The following ARHGEF17 variants were observed in gnomAD, a reference collection of about 807,000 sequenced individuals.
ARHGEF17 encodes the protein Rho guanine nucleotide exchange factor 17.
Under a neutral mutation model 174.0 loss-of-function variants are expected in ARHGEF17, and 80 were observed. The ratio of observed to expected loss-of-function variants is 0.46; its 90% CI spans 0.38 to 0.55. ARHGEF17 has a LOEUF of 0.55. Among genes scored for constraint, ARHGEF17 ranks in the 20% least tolerant of loss-of-function variants. The probability of loss-of-function intolerance (pLI) is 0.00; values close to 1 mark genes in which losing one functional copy is unlikely to be tolerated. For synonymous variants in ARHGEF17, 1,311 were observed against 1,189.1 expected (o/e 1.10, Z -2.11); for missense variants, 2,886 against 2,839.7 (o/e 1.02, Z -0.37).
At position 73,355,574 on chromosome 11, in the gene ARHGEF17, C is replaced by T. The variant is rs771650545; in HGVS notation, c.3495C>T (p.Ile1165=). ...TAGTAAACATCTATTCTGCCTATATCGATAACTTCCTCAATGCAAAGGATG... is the reference window on the plus strand; with the variant it reads ...TAGTAAACATCTATTCTGCCTATATTGATAACTTCCTCAATGCAAAGGATG... ...DVLVNIYSAY[I]DNFLNAKDAV... Residue 1165 remains isoleucine (I), a synonymous_variant, in exon 4 of 21, where the codon ATC becomes ATT. Coordinates refer to ENST00000263674, the MANE Select transcript of ARHGEF17 (RefSeq NM_014786.4). The T allele has an allele frequency of 1.7e-5, 28 of 1,614,070 alleles. No individual in the cohort carries two copies. The South Asian group carries it at 2.5e-4, about 15-fold the overall frequency.
At position 73,310,284 on chromosome 11, in the gene ARHGEF17, G is replaced by C; in HGVS notation, c.1646G>C (p.Cys549Ser). 1 of 1,613,962 alleles carries C rather than the reference G, an allele frequency of 6.2e-7. No homozygotes were observed. The highest frequency in any genetic ancestry group is 8.5e-7 in the Non-Finnish European group (1 of 1,180,030). The change falls in exon 1 of 21, where the codon TGC becomes TCC. Residue 549 changes from cysteine (C) to serine (S), a missense_variant. Coordinates refer to ENST00000263674, the MANE Select transcript of ARHGEF17 (RefSeq NM_014786.4). The stretch of plus-strand genomic sequence containing the variant: ...CTGCGGAGAGCAAAGTCATTCACCT[G>C]CTCTGAGAAGCCCATGGCCCGCCGC... ...ATLRRAKSFT[C>S]SEKPMARRLP...
chr11:73,356,179 T>TTC lies in ARHGEF17; in HGVS notation c.3668_3669insTC (p.Leu1224ProfsTer2), dbSNP rs1182774212. ...TGCTCCCCATTCCCACCCCAGGACC[T>TTC]CCTGAAGCATACACCTGAGGACCAC... On this transcript the variant is annotated frameshift_variant, in exon 6 of 21. Transcript: ENST00000263674. LOFTEE classifies it high-confidence loss of function. The TTC allele has an allele frequency of 6.2e-7, 1 of 1,613,714 alleles. No individual in the cohort carries two copies. Among genetic ancestry groups the TTC allele is most frequent in the Non-Finnish European group, 8.5e-7 (1 of 1,179,964 alleles).
chr11:73,356,340 G>A lies in ARHGEF17; in HGVS notation c.3829G>A (p.Gly1277Ser). The change falls in exon 6 of 21, where the codon GGC becomes AGC. Residue 1277 changes from glycine (G) to serine (S), a missense_variant. Gly to Ser is a moderately conservative substitution (Grantham distance 56). Coordinates refer to ENST00000263674, the MANE Select transcript of ARHGEF17 (RefSeq NM_014786.4). Reference protein sequence around the residue: ...VLQEIEAHIEGMEDLQAPLRR... With the variant: ...VLQEIEAHIESMEDLQAPLRR... ...GCAGGAGATAGAGGCTCACATCGAGGGCATGGAGGATGTGCGTGCGCCCTG... is the reference window on the plus strand; with the variant it reads ...GCAGGAGATAGAGGCTCACATCGAGAGCATGGAGGATGTGCGTGCGCCCTG... 1 of 1,610,750 alleles carries A rather than the reference G, an allele frequency of 6.2e-7. No homozygotes were observed. Among genetic ancestry groups the A allele is most frequent in the Non-Finnish European group, 8.5e-7 (1 of 1,179,952 alleles).
chr11:73,367,818 G>A lies in ARHGEF17; in HGVS notation c.*38G>A, dbSNP rs1407181448. 6 of 1,572,878 alleles carry A rather than the reference G, an allele frequency of 3.8e-6. No homozygotes were observed. Among genetic ancestry groups the A allele is most frequent in the African/African-American group, 1.3e-5 (1 of 74,344 alleles). On this transcript the variant is annotated 3_prime_UTR_variant, in exon 21 of 21. Coordinates refer to ENST00000263674, the MANE Select transcript of ARHGEF17 (RefSeq NM_014786.4). ...TGGCCCAGGACTCGCCCGCCCACCT[G>A]CCTTCAGCCTGCTTGCCTCTCCCTA... is the stretch of plus-strand genomic sequence containing the variant.
intron 9 of ARHGEF17, among the ~76,000 whole-genome samples, chr11:73,358,727 A>G (rs1348433186): frequency 3.3e-5 from 5 of 151,608 alleles, no homozygotes; most frequent in South Asian, 2.1e-4. Flanking sequence ...GCCTCCCAAA[A>G]TGCTGGGATT....
intron 4 of ARHGEF17, 94 bp downstream of exon 4, chr11:73,355,743 A>C: frequency 6.4e-7 from 1 of 1,562,046 alleles, no homozygotes; most frequent in Non-Finnish European, 8.8e-7. Flanking sequence ...CCATAGTCCC[A>C]GCCAGTGGGC....
At chr11:73,344,494 A>G (rs994394097) in intron 1 of ARHGEF17, among the ~76,000 whole-genome samples, 1 of 152,178 alleles carries the variant, frequency 6.6e-6, no homozygotes, top group Non-Finnish European at 1.5e-5. Context: ...CTCCCTGACC[A>G]TGACCATTGT....
chr11:73,349,389 C>T (rs575465009), intron 2 of ARHGEF17, among the ~76,000 whole-genome samples: 1 of 152,194 alleles, frequency 6.6e-6, no homozygotes, highest in East Asian at 1.9e-4. Flanking sequence ...CTGAGGTAGG[C>T]GGATCACCTG....
Position 73,311,331 on chromosome 11 carries a change from C to T in ARHGEF17, c.2693C>T (p.Thr898Ile), listed in dbSNP as rs1864828648. The T allele has an allele frequency of 6.2e-7, 1 of 1,613,394 alleles. No homozygotes were observed. The highest frequency in any genetic ancestry group is 2.2e-5 in the East Asian group (1 of 44,878). The change falls in exon 1 of 21, where the codon ACT (threonine) becomes ATT (isoleucine). Residue 898 changes from threonine (T) to isoleucine (I), a missense_variant. Coordinates refer to ENST00000263674, the MANE Select transcript of ARHGEF17 (RefSeq NM_014786.4). Reference sequence around the variant, plus strand: ...CCTGAGGCTCTGCCTCCCCCTGCCACTGCCCACCGAAACTTTCACCTTGAC... The same window carrying T: ...CCTGAGGCTCTGCCTCCCCCTGCCATTGCCCACCGAAACTTTCACCTTGAC... ...ALPEALPPPA[T>I]AHRNFHLDPK...
intron 2 of ARHGEF17, among the ~76,000 whole-genome samples, chr11:73,349,656 G>A (rs560930887): frequency 6.6e-6 from 1 of 152,280 alleles, no homozygotes; most frequent in South Asian, 2.1e-4. Flanking sequence ...GGTGATGACG[G>A]CACCCATGCC....
intron 1 of ARHGEF17, among the ~76,000 whole-genome samples, chr11:73,339,684 G>A (rs868392078): frequency 6.6e-6 from 1 of 152,188 alleles, no homozygotes; most frequent in Non-Finnish European, 1.5e-5. Context: ...GGCAGAAGTA[G>A]GGAGGGTTAG....
chr11:73,348,618 T>C (rs1865503122), intron 2 of ARHGEF17, among the ~76,000 whole-genome samples: 1 of 151,896 alleles, frequency 6.6e-6, no homozygotes, highest in African/African-American at 2.4e-5. Flanking sequence ...GGTGCCAGGC[T>C]GGGAAAGGAG....
Position 73,308,959 on chromosome 11 carries a change from A to T in ARHGEF17, c.321A>T (p.Leu107Phe). 2.2e-6 allele frequency: 3 copies of T among 1,358,874 alleles called. No individual in the cohort carries two copies. In the Admixed American group the frequency reaches 1.2e-4, roughly 54 times the overall value. The allele number at this position is 1,358,874 out of a possible 1,614,324, so 84.2% of individuals were successfully genotyped here. ...GSAGTRDGGV[L>F]PAAAEEAAEG... ...CTGGGACCCGAGACGGAGGCGTCTT[A>T]CCCGCGGCCGCGGAAGAAGCGGCCG... The change falls in exon 1 of 21, where the codon TTA becomes TTT. Residue 107 changes from leucine (L) to phenylalanine (F), a missense_variant. Around this residue, in one of 4 missense-constraint regions of ARHGEF17, gnomAD observed 1,728 missense variants for 1,461.2 expected, o/e 1.18. Coordinates refer to ENST00000263674, the MANE Select transcript of ARHGEF17 (RefSeq NM_014786.4).
At chr11:73,331,458 C>G (rs982490392) in intron 1 of ARHGEF17, among the ~76,000 whole-genome samples, 1 of 152,164 alleles carries the variant, frequency 6.6e-6, no homozygotes, top group African/African-American at 2.4e-5. Context: ...CTCCCCTCCC[C>G]CACTCCTGGG....
rs1236446286 is a variant in ARHGEF17, at chr11:73,368,597, T to C, written c.*817T>C. 1 of 152,296 alleles carries C rather than the reference T, an allele frequency of 6.6e-6. No individual in the cohort carries two copies. The highest frequency in any genetic ancestry group is 2.4e-5 in the African/African-American group (1 of 41,452). The allele number at this position is 152,296 out of a possible 1,614,324, so 9.4% of individuals were successfully genotyped here. The stretch of plus-strand genomic sequence containing the variant: ...CACTGATGGGGCCTTGGACAGGGCT[T>C]TCTCTCAGGTAGGAGAAATGGGCCC... On this transcript the variant is annotated 3_prime_UTR_variant, in exon 21 of 21. Coordinates refer to ENST00000263674, the MANE Select transcript of ARHGEF17 (RefSeq NM_014786.4).
At chr11:73,321,855 G>T (rs1399615771) in intron 1 of ARHGEF17, among the ~76,000 whole-genome samples, 1 of 152,236 alleles carries the variant, frequency 6.6e-6, no homozygotes, top group Admixed American at 6.5e-5. Flanking sequence ...TGGGAAGGCA[G>T]TGGGGGCAGT....
chr11:73,359,072 T>C (rs1865693527), intron 9 of ARHGEF17, among the ~76,000 whole-genome samples: 1 of 152,210 alleles, frequency 6.6e-6, no homozygotes, highest in South Asian at 2.1e-4. Context: ...TCCATGTCTC[T>C]AGTGCTGTCA....
intron 1 of ARHGEF17, among the ~76,000 whole-genome samples, chr11:73,322,353 C>T (rs1865030428): frequency 6.6e-6 from 1 of 152,192 alleles, no homozygotes; most frequent in South Asian, 2.1e-4. Context: ...GAACTGTCTA[C>T]CTGGAAAGAC....
intron 13 of ARHGEF17, 44 bp downstream of exon 13, chr11:73,362,283 G>A: frequency 6.8e-7 from 1 of 1,470,056 alleles, no homozygotes; most frequent in Non-Finnish European, 9.0e-7. Context: ...GGGCCTGGGA[G>A]AACCAACCCC....
Sources: gnomAD v4.1 joint callset for allele counts (sites outside exome capture counted in the v4.1 genomes callset) on GRCh38, gnomAD v4.1.1 for gene constraint, gnomAD v4.1.1 regional missense constraint, MANE v1.5 for transcripts, NCBI Gene and HGNC (gene_info 2026-07-23, HGNC 2026-07-21) for gene names.